The following TMLHE variants were observed in gnomAD, a reference collection of about 807,000 sequenced individuals.
The protein encoded by TMLHE is trimethyllysine dioxygenase, mitochondrial.
Under a neutral mutation model 25.7 loss-of-function variants are expected in TMLHE, and 18 were observed. The observed-to-expected ratio is 0.70, with a 90% CI of 0.48 to 1.04. The LOEUF (loss-of-function observed/expected upper bound fraction) is 1.04, where lower values mean the gene tolerates loss of function less well. TMLHE is among the 50% of genes least tolerant of loss of function. The pLI, the probability that TMLHE is intolerant of heterozygous loss-of-function variation, is 0.00. For missense variants in TMLHE, 236 were observed against 259.0 expected (o/e 0.91, Z 0.61); for synonymous variants, 105 against 97.0 (o/e 1.08, Z -0.49).
At chrX:155,557,342 C>T (rs1603061213) in intron 1 of TMLHE, among the ~76,000 whole-genome samples, 1 of 112,219 alleles carries the variant, frequency 8.9e-6, no homozygotes, top group Non-Finnish European at 1.9e-5. Context: ...TCACAATCCA[C>T]GTTCTTCTGT....
At chrX:155,550,250 T>C (rs1458583523) in intron 1 of TMLHE, among the ~76,000 whole-genome samples, 2 of 110,877 alleles carry the variant, frequency 1.8e-5, no homozygotes, top group Non-Finnish European at 3.8e-5. Context: ...TTTATTGTAA[T>C]ATGCATATAT....
intron 6 of TMLHE, among the ~76,000 whole-genome samples, chrX:155,504,811 T>C (rs2067067316): frequency 9.0e-6 from 1 of 111,324 alleles, no homozygotes; most frequent in Admixed American, 9.6e-5. Flanking sequence ...AAAGAAGAGA[T>C]AAACAGAACA....
At chrX:155,543,128 T>C (rs1418963468) in intron 2 of TMLHE, among the ~76,000 whole-genome samples, 1 of 111,379 alleles carries the variant, frequency 9.0e-6, no homozygotes, top group African/African-American at 3.3e-5. Context: ...ACTTTTCCTT[T>C]CAGATCAGGA....
chrX:155,585,127 C>A (rs1192003909), intron 1 of TMLHE, among the ~76,000 whole-genome samples: 1 of 111,346 alleles, frequency 9.0e-6, no homozygotes, highest in African/African-American at 3.3e-5. Context: ...GCAGTGATAA[C>A]CCTGAATGCA....
In TMLHE at chrX:155,553,019, C is replaced by T. The variant is rs930894497; in HGVS notation, c.-1-7742G>A. Among the ~76,000 whole-genome samples, 16 of 110,568 alleles carry T rather than the reference C, an allele frequency of 1.4e-4. 1 individual carries two copies. The highest frequency in any genetic ancestry group is 5.3e-4 in the African/African-American group (16 of 30,283). On this transcript the variant is annotated intron_variant, in intron 1 of 7. Transcript: ENST00000334398. Reference sequence around the variant, plus strand: ...ATACTACGAATTTTAGGGAGATTTTCTAATTTATTTCTTGTTTTCTAACTT... The same window carrying T: ...ATACTACGAATTTTAGGGAGATTTTTTAATTTATTTCTTGTTTTCTAACTT...
chrX:155,531,604 A>T (rs2067249719), intron 2 of TMLHE, among the ~76,000 whole-genome samples: 1 of 111,838 alleles, frequency 8.9e-6, no homozygotes, highest in Non-Finnish European at 1.9e-5. Flanking sequence ...AAACATCCAA[A>T]CCATATCACT....
In TMLHE at chrX:155,507,085, G is replaced by A; in HGVS notation, c.808C>T (p.Leu270=). ...GCTGCATAGAATCCATCTACTAGCAGTGTCCTGCCACCAGTTCCTTCATGT... is the reference window on the plus strand; with the variant it reads ...GCTGCATAGAATCCATCTACTAGCAATGTCCTGCCACCAGTTCCTTCATGT... ...LKHEGTGGRT[L]LVDGFYAAEQ... Residue 270 remains leucine, a synonymous_variant, in exon 6 of 8, where the codon CTG becomes TTG. Transcript: ENST00000334398. 1 of 1,210,043 alleles carries A rather than the reference G, an allele frequency of 8.3e-7. No homozygotes were observed. The highest frequency in any genetic ancestry group is 3.0e-5 in the East Asian group (1 of 33,811).
intron 1 of TMLHE, among the ~76,000 whole-genome samples, chrX:155,571,830 T>G (rs1465384278): frequency 5.7e-5 from 3 of 52,656 alleles, no homozygotes; most frequent in South Asian, 1.1e-3. Flanking sequence ...TGATGGGACG[T>G]ATCTCAAAAT....
chrX:155,553,658 A>G (rs1557340342), intron 1 of TMLHE, among the ~76,000 whole-genome samples: 1 of 110,278 alleles, frequency 9.1e-6, no homozygotes, highest in Non-Finnish European at 1.9e-5. Flanking sequence ...ATTTACATTT[A>G]TTATAATTAC....
intron 1 of TMLHE, among the ~76,000 whole-genome samples, chrX:155,594,616 C>CAATGG (rs2067711158): frequency 9.0e-6 from 1 of 111,597 alleles, no homozygotes; most frequent in Admixed American, 9.5e-5. Flanking sequence ...AGCAATTTTA[C>CAATGG]CTCAAGTACA....
chrX:155,550,028 T>A (rs1339254684), intron 1 of TMLHE, among the ~76,000 whole-genome samples: 1 of 110,586 alleles, frequency 9.0e-6, no homozygotes, highest in African/African-American at 3.3e-5. Context: ...TCCAGCTACA[T>A]CCATGTCCCT....
At position 155,508,393 on chromosome X, in the gene TMLHE, C is replaced by T. The variant is rs182881574; in HGVS notation, c.759-1259G>A. Among the ~76,000 whole-genome samples the T allele has an allele frequency of 2.0e-4, 22 of 110,501 alleles. No homozygotes were observed. The East Asian group carries it at 5.1e-3, about 26-fold the overall frequency. On this transcript the variant is annotated intron_variant, in intron 5 of 7. Coordinates refer to ENST00000334398, the MANE Select transcript of TMLHE (RefSeq NM_018196.4). ...ATTAAAAAGAGAAAGGTAAGCCTGG[C>T]CATATTGAAATTTCTGTGAAACTTC...
intron 1 of TMLHE, among the ~76,000 whole-genome samples, chrX:155,558,127 TG>T (rs1557341169): frequency 1.8e-5 from 2 of 112,077 alleles, no homozygotes; most frequent in Non-Finnish European, 3.8e-5. Flanking sequence ...TACCTGGTTC[TG>T]AGCTACCTCT....
chrX:155,553,351 G>A (rs1034709456), intron 1 of TMLHE, among the ~76,000 whole-genome samples: 1 of 108,825 alleles, frequency 9.2e-6, no homozygotes, highest in South Asian at 4.1e-4. Flanking sequence ...CCTATTTTGA[G>A]TGTTAAGTGC....
chrX:155,581,349 A>C (rs1326361642), intron 1 of TMLHE, among the ~76,000 whole-genome samples: 2 of 111,789 alleles, frequency 1.8e-5, no homozygotes, highest in Non-Finnish European at 3.8e-5. Context: ...GAAAGAAATA[A>C]AAGGTATTTG....
rs797033218 is a variant in TMLHE, at chrX:155,570,806, A to G, written c.-1-25529T>C. 2.6e-3 allele frequency among the ~76,000 whole-genome samples: 150 copies of G among 57,270 alleles called. 46 individuals carry two copies. Among genetic ancestry groups the G allele is most frequent in the Non-Finnish European group, 5.8e-3 (128 of 22,013 alleles). 49.7% of individuals were successfully genotyped at this position (57,270 alleles called of 115,157 possible). The stretch of plus-strand genomic sequence containing the variant: ...AAACCAATGAGAACAAAGACACAAC[A>G]TACCAGAATCTCTGGGACACATTCA... On this transcript the variant is annotated intron_variant, in intron 1 of 7. Transcript: ENST00000334398.
chrX:155,588,662 G>A (rs782428945), intron 1 of TMLHE, among the ~76,000 whole-genome samples: 274 of 110,848 alleles, frequency 2.5e-3, no homozygotes, highest in African/African-American at 8.6e-3. Flanking sequence ...CCGTTAAAAA[G>A]TGAACAAAGG....
chrX:155,547,772 G>T (rs1434661803), intron 1 of TMLHE, among the ~76,000 whole-genome samples: 2 of 109,744 alleles, frequency 1.8e-5, no homozygotes, highest in Non-Finnish European at 3.8e-5. Flanking sequence ...ACACAACCCT[G>T]AAATATATAA....
chrX:155,595,565 G>A (rs1207383136), intron 1 of TMLHE, among the ~76,000 whole-genome samples: 1 of 111,954 alleles, frequency 8.9e-6, no homozygotes, highest in African/African-American at 3.2e-5. Context: ...AACTGTGGTT[G>A]TCCACCATTT....
Sources: gnomAD v4.1 joint callset for allele counts (sites outside exome capture counted in the v4.1 genomes callset) on GRCh38, gnomAD v4.1.1 for gene constraint, MANE v1.5 for transcripts, NCBI Gene and HGNC (gene_info 2026-07-23, HGNC 2026-07-21) for gene names.